The following EYS variants were observed in gnomAD, a reference collection of about 807,000 sequenced individuals.
EYS encodes the protein protein eyes shut homolog.
EYS carries 250 observed loss-of-function variants against 282.1 expected under a neutral mutation model. That is an observed-to-expected ratio of 0.89 (90% CI 0.80 to 0.98). EYS has a LOEUF of 0.98. EYS is among the 50% of genes least tolerant of loss of function. The pLI is 0.00. For synonymous variants in EYS, 1,355 were observed against 1,282.9 expected (o/e 1.06, Z -1.20); for missense variants, 4,016 against 3,709.0 (o/e 1.08, Z -2.15).
intron 11 of EYS, chr6:65,330,505 C>T (rs933739796): frequency 1.5e-5 from 15 of 984,018 alleles, no homozygotes; most frequent in African/African-American, 8.8e-5. Flanking sequence ...TTTTATAAAC[C>T]CCCAGAAAAA....
intron 28 of EYS, among the ~76,000 whole-genome samples, chr6:64,435,401 T>C (rs965551832): frequency 6.6e-6 from 1 of 151,482 alleles, no homozygotes; most frequent in Admixed American, 6.6e-5. Flanking sequence ...CTCATTTAAC[T>C]TTTTTCCCAG....
intron 32 of EYS, among the ~76,000 whole-genome samples, chr6:64,071,990 G>A (rs996985596): frequency 6.6e-6 from 1 of 151,680 alleles, no homozygotes; most frequent in Admixed American, 6.6e-5. Flanking sequence ...ATAGAGCCGG[G>A]GGGACATAAA....
At chr6:64,922,438 G>C (rs1303838053) in intron 15 of EYS, among the ~76,000 whole-genome samples, 1 of 152,134 alleles carries the variant, frequency 6.6e-6, no homozygotes, top group East Asian at 1.9e-4. Flanking sequence ...TATGAAAAGA[G>C]CCAGACATCT....
At chr6:65,062,453 T>C (rs1773605572) in intron 12 of EYS, among the ~76,000 whole-genome samples, 1 of 151,884 alleles carries the variant, frequency 6.6e-6, no homozygotes, top group South Asian at 2.1e-4. Flanking sequence ...GCTTTAACTG[T>C]TTTTCTGCTT....
chr6:64,650,561 A>G (rs1284645614), intron 22 of EYS, among the ~76,000 whole-genome samples: 1 of 151,806 alleles, frequency 6.6e-6, no homozygotes, highest in Non-Finnish European at 1.5e-5. Flanking sequence ...AACCTATACT[A>G]AGTGAATGCT....
chr6:63,741,899 G>T (rs1769084602), intron 41 of EYS: 2 of 702,126 alleles, frequency 2.8e-6, no homozygotes, highest in Non-Finnish European at 5.2e-6. Context: ...TTTGCTGTTT[G>T]TACTGGTCCT....
intron 1 of EYS, among the ~76,000 whole-genome samples, chr6:65,660,645 G>A (rs541573424): frequency 4.2e-4 from 63 of 151,638 alleles, no homozygotes; most frequent in Non-Finnish European, 6.9e-4. Flanking sequence ...ACACTCACAC[G>A]CAATTATATA....
chr6:65,273,020 G>GT (rs1318496840), intron 12 of EYS, among the ~76,000 whole-genome samples: 11 of 151,998 alleles, frequency 7.2e-5, no homozygotes, highest in Non-Finnish European at 1.0e-4. Context: ...TGCAATAACC[G>GT]TAACAGTCAA....
At chr6:64,697,993 T>C (rs1295416780) in intron 22 of EYS, among the ~76,000 whole-genome samples, 1 of 151,864 alleles carries the variant, frequency 6.6e-6, no homozygotes, top group Admixed American at 6.6e-5. Flanking sequence ...TTAAATAACT[T>C]CTTGAAATAC....
chr6:65,118,187 G>T (rs1396879832), intron 12 of EYS, among the ~76,000 whole-genome samples: 3 of 152,134 alleles, frequency 2.0e-5, no homozygotes, highest in Non-Finnish European at 2.9e-5. Flanking sequence ...AGCATTTGAG[G>T]TGTAGAAAGT....
chr6:64,833,846 C>A (rs534490683), intron 19 of EYS, among the ~76,000 whole-genome samples: 2 of 151,978 alleles, frequency 1.3e-5, no homozygotes, highest in East Asian at 3.9e-4. Flanking sequence ...CAAATGGAAT[C>A]ACTTTTACAG....
intron 2 of EYS, among the ~76,000 whole-genome samples, chr6:65,598,320 A>C (rs1160526243): frequency 7.0e-6 from 1 of 142,918 alleles, no homozygotes; most frequent in Non-Finnish European, 1.5e-5. Context: ...TTATCAGGAA[A>C]ACTGATATAC....
In EYS at chr6:63,806,322, T is replaced by G. The variant is rs1347774141; in HGVS notation, c.7279A>C (p.Thr2427Pro). ...ATCCGTGAATAAGCCAGGAATGAGG[T>G]GTATCCAAAGGCATCTGTGCCACTG... The part of the protein sequence containing the change: ...RFSGTDAFGY[T>P]SFLAYSRISD... Residue 2427 changes from threonine to proline, a missense_variant, in exon 37 of 43, where the codon ACC (threonine) becomes CCC (proline). Physicochemically the swap from Thr to Pro is conservative, Grantham distance 38 (BLOSUM62 -1). Coordinates refer to ENST00000503581, the MANE Select transcript of EYS (RefSeq NM_001142800.2). 5.8e-6 allele frequency: 9 copies of G among 1,551,362 alleles called. No homozygotes were observed. The highest frequency in any genetic ancestry group is 7.8e-6 in the Non-Finnish European group (9 of 1,146,778).
chr6:64,820,753 A>G (rs1040081138), intron 21 of EYS, among the ~76,000 whole-genome samples: 1 of 152,140 alleles, frequency 6.6e-6, no homozygotes, highest in Non-Finnish European at 1.5e-5. Context: ...GTAGCAATAT[A>G]GAGTTTCCAT....
chr6:63,939,080 G>A (rs1241968060), intron 35 of EYS, among the ~76,000 whole-genome samples: 1 of 151,648 alleles, frequency 6.6e-6, no homozygotes, highest in East Asian at 1.9e-4. Flanking sequence ...GAGGCTTTCT[G>A]AAAGCAGTTT....
chr6:63,777,969 A>C, intron 40 of EYS, 37 bp downstream of exon 40: 1 of 1,540,530 alleles, frequency 6.5e-7, no homozygotes, highest in African/African-American at 1.4e-5. Flanking sequence ...GAGTGCAAAC[A>C]ACCTGCTACT....
chr6:65,502,738 T>G (rs1211726920), intron 2 of EYS, among the ~76,000 whole-genome samples: 1 of 151,584 alleles, frequency 6.6e-6, no homozygotes, highest in African/African-American at 2.4e-5. Flanking sequence ...GACTATTGGT[T>G]AAGTATTTGT....
At chr6:64,899,393 G>C (rs760445525) in intron 18 of EYS, among the ~76,000 whole-genome samples, 4 of 151,812 alleles carry the variant, frequency 2.6e-5, no homozygotes, top group South Asian at 2.1e-4. Context: ...AGAAATAAAG[G>C]GTATTCAAAT....
At chr6:63,981,560 A>C (rs760282338) in intron 35 of EYS, among the ~76,000 whole-genome samples, 3 of 151,836 alleles carry the variant, frequency 2.0e-5, no homozygotes, top group Non-Finnish European at 2.9e-5. Flanking sequence ...TGTTCATAAG[A>C]TGTGAAGAAG....
Sources: allele counts gnomAD v4.1 joint callset (sites outside exome capture counted in the v4.1 genomes callset), GRCh38; gene constraint gnomAD v4.1.1; transcripts MANE v1.5; gene names NCBI Gene and HGNC (gene_info 2026-07-23, HGNC 2026-07-21).